SYNE1: variants seen among roughly 807,000 people sequenced by gnomAD.
SYNE1 encodes the protein spectrin repeat containing nuclear envelope protein 1.
In SYNE1, 616 loss-of-function variants were observed where a neutral mutation model predicts 1,111.0. The ratio of observed to expected loss-of-function variants is 0.55; its 90% CI spans 0.52 to 0.59. The LOEUF is 0.59. Ranked by LOEUF, SYNE1 falls within the 20% of genes least tolerant of loss-of-function variation. The pLI is 0.00. For missense variants in SYNE1, 10,006 were observed against 10,417.0 expected (o/e 0.96, Z 1.72); for synonymous variants, 3,855 against 3,825.8 (o/e 1.01, Z -0.28).
Position 152,444,413 on chromosome 6 carries a change from G to C in SYNE1, c.3835C>G (p.Gln1279Glu). Reference sequence around the variant, plus strand: ...TTGGAAGAAAGAGGCATTTTTACCTGGTGATGAAGAAGTAACTGCTGTGCT... The same window carrying C: ...TTGGAAGAAAGAGGCATTTTTACCTCGTGATGAAGAAGTAACTGCTGTGCT... Reference protein sequence around the residue: ...FEAQQLLLHHQQKTKRISAKK... With the variant: ...FEAQQLLLHHEQKTKRISAKK... The change falls in exon 30 of 146, where the codon CAG (glutamine) becomes GAG (glutamate). Residue 1279 changes from glutamine (Q) to glutamate (E), a missense_variant and splice_region_variant. Physicochemically the swap from Gln to Glu is conservative, Grantham distance 29. Around this residue, in one of 7 missense-constraint regions of SYNE1, gnomAD observed 1,971 missense variants for 2,084.1 expected, o/e 0.95. Transcript: ENST00000367255. The C allele has an allele frequency of 6.2e-7, 1 of 1,613,542 alleles. No individual in the cohort carries two copies.
intron 3 of SYNE1, among the ~76,000 whole-genome samples, chr6:152,586,036 T>C (rs1376797612): frequency 6.6e-6 from 1 of 152,148 alleles, no homozygotes; most frequent in African/African-American, 2.4e-5. Context: ...ATGAATATTC[T>C]CATCTCTTAC....
intron 3 of SYNE1, among the ~76,000 whole-genome samples, chr6:152,582,369 ATTAC>A (rs2128432962): frequency 6.6e-6 from 1 of 152,036 alleles, no homozygotes; most frequent in East Asian, 1.9e-4. Flanking sequence ...TAACAATATC[ATTAC>A]TTACCTAGTC....
At chr6:152,497,161 C>A (rs910538372) in intron 11 of SYNE1, among the ~76,000 whole-genome samples, 6 of 152,154 alleles carry the variant, frequency 3.9e-5, no homozygotes, top group Non-Finnish European at 7.4e-5. Flanking sequence ...CACATGGACA[C>A]GTTTGACACT....
At position 152,326,785 on chromosome 6, in the gene SYNE1, C is replaced by T. The variant is rs372499074; in HGVS notation, c.14956-152G>A. The T allele has an allele frequency of 2.5e-5, 18 of 712,046 alleles. No homozygotes were observed. In the East Asian group the frequency reaches 4.6e-4, roughly 18 times the overall value. 44.1% of individuals were successfully genotyped at this position (712,046 alleles called of 1,614,324 possible). ...AGTTAGTGGAATATTTTTGTGGTGC[C>T]ATCATCATTATCCTTGATTTTTCCT... On this transcript the variant is annotated intron_variant, in intron 78 of 145. Transcript: ENST00000367255.
In SYNE1 at chr6:152,420,660, G is replaced by A. The variant is rs112148089; in HGVS notation, c.5268-938C>T. On this transcript the variant is annotated intron_variant, in intron 39 of 145. Coordinates refer to ENST00000367255, the MANE Select transcript of SYNE1 (RefSeq NM_182961.4). ...CAGGACTCTAATTAAAAATACATTC[G>A]TGAGATTTGCTAACCCAACATTAAG... 2.4e-4 allele frequency among the ~76,000 whole-genome samples: 37 copies of A among 152,162 alleles called. 1 individual carries two copies. Among genetic ancestry groups the A allele is most frequent in the African/African-American group, 8.2e-4 (34 of 41,530 alleles).
chr6:152,605,012 G>A (rs1283570519), intron 3 of SYNE1, among the ~76,000 whole-genome samples: 130 of 46,852 alleles, frequency 2.8e-3, no homozygotes, highest in African/African-American at 4.2e-3. Flanking sequence ...AAGAAAGAGA[G>A]AGAGAGAGAG....
rs2097405120 is a variant in SYNE1 at position 152,381,037 on chromosome 6, T to C, written c.8978A>G (p.Glu2993Gly). 6.2e-7 allele frequency: 1 copy of C among 1,614,154 alleles called. No individual in the cohort carries two copies. Among genetic ancestry groups the C allele is most frequent in the South Asian group, 1.1e-5 (1 of 91,082 alleles). Residue 2993 changes from glutamate (E) to glycine (G), a missense_variant, in exon 56 of 146, where the codon GAG (glutamate) becomes GGG (glycine). Transcript: ENST00000367255. ...TTTGTGCCAGCATTCCACTATCTCC[T>C]CATCCGTGTTCTTGCCTTCCAGGAG... ...LTLLEGKNTD[E>G]EIVECWHKGQ... is the part of the protein sequence containing the mutation.
intron 60 of SYNE1, 56 bp from the exon 61 acceptor site, chr6:152,369,183 G>A (rs2097136144): frequency 1.3e-5 from 20 of 1,595,762 alleles, no homozygotes; most frequent in South Asian, 1.1e-4. Flanking sequence ...CATCGCGGAC[G>A]AAGCTTTGGC....
At position 152,436,060 on chromosome 6, in the gene SYNE1, C is replaced by G. The variant is rs777782632; in HGVS notation, c.4191G>C (p.Glu1397Asp). Residue 1397 changes from glutamate to aspartate, a missense_variant, in exon 33 of 146, where the codon GAG becomes GAC. By Grantham distance (45) the Glu-to-Asp change is conservative. Transcript: ENST00000367255. ...KRTESIAVQA[E>D]NLVKEASEIP... is the part of the protein sequence containing the mutation. ...TCTCTGAAGCTTCCTTTACAAGGTT[C>G]TCAGCCTGGACTGCAATACTTTCTG... 7 of 1,614,066 alleles carry G rather than the reference C, an allele frequency of 4.3e-6. No homozygotes were observed. Among genetic ancestry groups the G allele is most frequent in the Non-Finnish European group, 5.1e-6 (6 of 1,179,984 alleles).
intron 23 of SYNE1, 143 bp downstream of exon 23, chr6:152,455,743 A>G: frequency 7.3e-7 from 1 of 1,378,104 alleles, no homozygotes; most frequent in South Asian, 1.2e-5. Flanking sequence ...AATTAATATT[A>G]GGTAAAAAAG....
intron 104 of SYNE1, among the ~76,000 whole-genome samples, chr6:152,250,183 G>C (rs1394159797): frequency 1.3e-5 from 2 of 151,798 alleles, no homozygotes; most frequent in Admixed American, 1.3e-4. Context: ...AGGATCCCTT[G>C]AGTTCAGGAG....
At chr6:152,447,692 C>T in intron 28 of SYNE1, 70 bp from the exon 29 acceptor site, 1 of 1,596,656 alleles carries the variant, frequency 6.3e-7, no homozygotes, top group Non-Finnish European at 8.6e-7. Context: ...CAATAAAGGA[C>T]TCAGCCTAAA....
chr6:152,162,514 T>G (rs1016942152), intron 131 of SYNE1, among the ~76,000 whole-genome samples: 1 of 152,244 alleles, frequency 6.6e-6, no homozygotes, highest in Non-Finnish European at 1.5e-5. Flanking sequence ...ACCCGCCATT[T>G]GCATTTCAAC....
chr6:152,595,695 G>A (rs1456689593), intron 3 of SYNE1, among the ~76,000 whole-genome samples: 1 of 152,080 alleles, frequency 6.6e-6, no homozygotes, highest in Non-Finnish European at 1.5e-5. Flanking sequence ...GCTGTTGTGG[G>A]AAAATGCAAT....
At chr6:152,548,034 G>GA (rs2099322847) in intron 3 of SYNE1, among the ~76,000 whole-genome samples, 1 of 152,044 alleles carries the variant, frequency 6.6e-6, no homozygotes, top group Non-Finnish European at 1.5e-5. Flanking sequence ...TAAGGCTGGG[G>GA]AAAAAAGAGA....
intron 6 of SYNE1, chr6:152,511,638 T>G (rs368029045): frequency 3.2e-6 from 5 of 1,575,104 alleles, no homozygotes; most frequent in Non-Finnish European, 4.4e-6. Flanking sequence ...ACATAAATCA[T>G]CTTTCAAAAT....
intron 104 of SYNE1, among the ~76,000 whole-genome samples, chr6:152,253,460 G>C (rs533695614): frequency 6.6e-5 from 10 of 152,120 alleles, no homozygotes; most frequent in African/African-American, 1.7e-4. Context: ...ATGAGTATGA[G>C]TTTGATTTGA....
intron 66 of SYNE1, among the ~76,000 whole-genome samples, chr6:152,355,190 AC>A (rs1384039577): frequency 6.6e-6 from 1 of 152,062 alleles, no homozygotes; most frequent in Non-Finnish European, 1.5e-5. Context: ...ATCAACATAC[AC>A]ACACACACAC....
intron 10 of SYNE1, among the ~76,000 whole-genome samples, chr6:152,501,003 C>A (rs2099027106): frequency 6.6e-6 from 1 of 151,122 alleles, no homozygotes. Context: ...TTTCTTATTA[C>A]TCTTCATTGT....
Sources: gnomAD v4.1 joint callset for allele counts (sites outside exome capture counted in the v4.1 genomes callset) on GRCh38, gnomAD v4.1.1 for gene constraint, gnomAD v4.1.1 regional missense constraint, MANE v1.5 for transcripts, NCBI Gene and HGNC (gene_info 2026-07-23, HGNC 2026-07-21) for gene names.